Variants in CSMD1 observed in about 807,000 individuals in gnomAD.
The protein encoded by CSMD1 is CUB and sushi domain-containing protein 1.
CSMD1 carries 213 observed loss-of-function variants against 417.5 expected under a neutral mutation model. The ratio of observed to expected loss-of-function variants is 0.51; its 90% confidence interval spans 0.46 to 0.57. The LOEUF is 0.57. Among genes scored for constraint, CSMD1 ranks in the 20% least tolerant of loss-of-function variants. The probability of loss-of-function intolerance (pLI) is 0.00; values close to 1 mark genes in which losing one functional copy is unlikely to be tolerated. For synonymous variants in CSMD1, 2,862 were observed against 1,736.8 expected (o/e 1.65, Z -16.11); for missense variants, 6,923 against 4,529.7 (o/e 1.53, Z -15.17).
Position 3,230,129 on chromosome 8 carries a change from G to A in CSMD1, c.4256C>T (p.Pro1419Leu). ...GGCTTGTCCTTGGAGCTGATAGCCA[G>A]GGTCACACTGGAATGTGACGGTGTC... ...AGDTVTFQCD[P>L]GYQLQGQAKI... The change falls in exon 27 of 70, where the codon CCT becomes CTT. Residue 1419 changes from proline to leucine, a missense_variant. Transcript: ENST00000635120. 1 of 1,613,714 alleles carries A rather than the reference G, an allele frequency of 6.2e-7. No homozygotes were observed. Among genetic ancestry groups the A allele is most frequent in the Non-Finnish European group, 8.5e-7 (1 of 1,179,738 alleles).
chr8:2,936,284 C>A lies in CSMD1; in HGVS notation c.*2301G>T, dbSNP rs1024342132. 6.6e-6 allele frequency: 1 copy of A among 151,778 alleles called. No homozygotes were observed. The highest frequency in any genetic ancestry group is 1.5e-5 in the Non-Finnish European group (1 of 67,996). The allele number at this position is 151,778 out of a possible 1,614,324, so 9.4% of individuals were successfully genotyped here. ...TAGCATCGTTGACCAGGGAGCAGGTCAGGGATATGGGAACAGAGATGTTAA... is the reference window on the plus strand; with the variant it reads ...TAGCATCGTTGACCAGGGAGCAGGTAAGGGATATGGGAACAGAGATGTTAA... On this transcript the variant is annotated 3_prime_UTR_variant, in exon 70 of 70. Coordinates refer to ENST00000635120, the MANE Select transcript of CSMD1 (RefSeq NM_033225.6).
intron 26 of CSMD1, among the ~76,000 whole-genome samples, chr8:3,256,818 C>G (rs921754907): frequency 2.0e-5 from 3 of 152,200 alleles, no homozygotes; most frequent in Non-Finnish European, 2.9e-5. Context: ...CACTCTGAGT[C>G]ACAGGATTCT....
intron 3 of CSMD1, among the ~76,000 whole-genome samples, chr8:4,408,333 A>C (rs931324246): frequency 1.3e-5 from 2 of 152,212 alleles, no homozygotes; most frequent in Non-Finnish European, 2.9e-5. Context: ...CTTAAAACAA[A>C]CTGGGAAGCT....
At chr8:4,702,173 G>A (rs912028656) in intron 1 of CSMD1, among the ~76,000 whole-genome samples, 1 of 152,192 alleles carries the variant, frequency 6.6e-6, no homozygotes, top group African/African-American at 2.4e-5. Context: ...TTAATACCTA[G>A]GTGATGGGTT....
At chr8:3,412,933 G>A (rs1193059648) in intron 12 of CSMD1, among the ~76,000 whole-genome samples, 2 of 152,172 alleles carry the variant, frequency 1.3e-5, no homozygotes, top group African/African-American at 2.4e-5. Context: ...GGGAAGCTGG[G>A]CTGGGCGCCC....
intron 1 of CSMD1, among the ~76,000 whole-genome samples, chr8:4,948,122 C>A (rs1808490116): frequency 6.6e-6 from 1 of 151,952 alleles, no homozygotes. Flanking sequence ...ATGGTCGTAT[C>A]AATTTATACT....
chr8:4,750,514 T>C (rs1227752899), intron 1 of CSMD1, among the ~76,000 whole-genome samples: 1 of 152,168 alleles, frequency 6.6e-6, no homozygotes, highest in African/African-American at 2.4e-5. Flanking sequence ...TATATTTTAA[T>C]GTTAAGATTT....
intron 10 of CSMD1, among the ~76,000 whole-genome samples, chr8:3,516,135 A>G (rs1210970197): frequency 6.6e-6 from 1 of 152,232 alleles, no homozygotes; most frequent in East Asian, 1.9e-4. Context: ...AACAGAATGT[A>G]AATCTATGCA....
intron 3 of CSMD1, among the ~76,000 whole-genome samples, chr8:4,207,794 C>G (rs1800072721): frequency 6.6e-6 from 1 of 152,044 alleles, no homozygotes; most frequent in Non-Finnish European, 1.5e-5. Flanking sequence ...CTGGCAATAG[C>G]AAAAGTTACA....
chr8:3,503,476 C>T (rs186744892), intron 10 of CSMD1, among the ~76,000 whole-genome samples: 136 of 152,320 alleles, frequency 8.9e-4, no homozygotes, highest in African/African-American at 2.7e-3. Flanking sequence ...AGTCTTGGGA[C>T]GGCGGCATCA....
intron 10 of CSMD1, among the ~76,000 whole-genome samples, chr8:3,571,301 T>G (rs1050977455): frequency 2.6e-5 from 4 of 152,210 alleles, no homozygotes; most frequent in Admixed American, 6.5e-5. Flanking sequence ...TGGACTTGGA[T>G]GGACAGTAGG....
intron 6 of CSMD1, among the ~76,000 whole-genome samples, chr8:3,729,184 A>G (rs1802671844): frequency 6.6e-6 from 1 of 152,124 alleles, no homozygotes; most frequent in Admixed American, 6.5e-5. Context: ...ACTTACTGCC[A>G]CGCAATAAGC....
chr8:3,152,836 G>A lies in CSMD1; in HGVS notation c.5915-1323C>T, dbSNP rs923318304. Among the ~76,000 whole-genome samples the A allele has an allele frequency of 1.3e-5, 2 of 152,222 alleles. 1 individual carries two copies. Among genetic ancestry groups the A allele is most frequent in the South Asian group, 4.1e-4 (2 of 4,834 alleles). On this transcript the variant is annotated intron_variant, in intron 39 of 69. Transcript: ENST00000635120. ...CACTTTGTCCATGCAGCTGCTGAAT[G>A]TGCGGAAGACACACCAGCAAATCTG...
intron 12 of CSMD1, among the ~76,000 whole-genome samples, chr8:3,416,243 C>T (rs1019638079): frequency 2.9e-5 from 4 of 137,138 alleles, no homozygotes; most frequent in Non-Finnish European, 6.0e-5. Flanking sequence ...CTGGAGCTTG[C>T]AGTGAACCGG....
intron 30 of CSMD1, among the ~76,000 whole-genome samples, chr8:3,213,866 A>G (rs1797746396): frequency 6.6e-6 from 1 of 151,016 alleles, no homozygotes; most frequent in African/African-American, 2.4e-5. Context: ...ACATATATAT[A>G]TATATATATG....
At chr8:4,764,882 A>AAAACAAAAAAAAAAAAAAAACAAAAC (rs1563326772) in intron 1 of CSMD1, among the ~76,000 whole-genome samples, 2 of 47,576 alleles carry the variant, frequency 4.2e-5, no homozygotes, top group African/African-American at 1.5e-4. Context: ...CAAAAAAAAA[A>AAAACAAAAAAAAAAAAAAAACAAAAC]AAAAAAAAAA....
At chr8:4,702,353 C>T (rs911850192) in intron 1 of CSMD1, among the ~76,000 whole-genome samples, 3 of 152,096 alleles carry the variant, frequency 2.0e-5, no homozygotes, top group Admixed American at 6.5e-5. Flanking sequence ...CTAAACTGAC[C>T]CTCCTGCTCT....
chr8:4,935,291 T>C (rs1195705998), intron 1 of CSMD1, among the ~76,000 whole-genome samples: 1 of 152,202 alleles, frequency 6.6e-6, no homozygotes, highest in Non-Finnish European at 1.5e-5. Flanking sequence ...TTGTTCCCCA[T>C]GACTGAGCTC....
At chr8:3,348,220 A>T in intron 21 of CSMD1, 59 bp from the exon 22 acceptor site, 5 of 1,389,886 alleles carry the variant, frequency 3.6e-6, no homozygotes, top group Non-Finnish European at 5.0e-6. Context: ...TGTTTTTAAC[A>T]GATTAAAAAC....
Sources: gnomAD v4.1 joint callset for allele counts (sites outside exome capture counted in the v4.1 genomes callset) on GRCh38, gnomAD v4.1.1 for gene constraint, MANE v1.5 for transcripts, NCBI Gene and HGNC (gene_info 2026-07-23, HGNC 2026-07-21) for gene names.